Variants in PTPRD observed in about 807,000 individuals in gnomAD.
PTPRD encodes protein tyrosine phosphatase receptor type D, also known as receptor-type tyrosine-protein phosphatase delta.
A neutral mutation model predicts 214.5 loss-of-function variants in PTPRD; 34 were observed. The observed-to-expected ratio is 0.16, with a 90% CI of 0.12 to 0.21. The LOEUF (loss-of-function observed/expected upper bound fraction) is 0.21, where lower values mean the gene tolerates loss of function less well. Among genes scored for constraint, PTPRD ranks in the 10% least tolerant of loss-of-function variants. The pLI is 1.00. For synonymous variants in PTPRD, 1,128 were observed against 845.7 expected, an observed-to-expected ratio of 1.33 and a Z score of -5.79; for missense variants, 2,545 against 2,398.7, an observed-to-expected ratio of 1.06 and a Z score of -1.27.
intron 39 of PTPRD, among the ~76,000 whole-genome samples, chr9:8,358,535 G>A (rs749352838): frequency 1.2e-4 from 19 of 152,070 alleles, no homozygotes; most frequent in Non-Finnish European, 1.5e-4. Flanking sequence ...TTCTTCCAGA[G>A]CCTCTGTTTT....
chr9:8,500,558 G>GGAAAAAA (rs2097373754), intron 24 of PTPRD, among the ~76,000 whole-genome samples, 196 bp downstream of exon 24: 99 of 14,312 alleles, frequency 6.9e-3, no homozygotes, highest in Middle Eastern at 0.12. Context: ...TGAAAAAAAT[G>GGAAAAAA]AAAAAAAAAA....
At chr9:10,253,103 T>G (rs2092934830) in intron 3 of PTPRD, among the ~76,000 whole-genome samples, 1 of 152,168 alleles carries the variant, frequency 6.6e-6, no homozygotes, top group Non-Finnish European at 1.5e-5. Context: ...TTTTATTTTT[T>G]CTAAATGAAT....
At chr9:8,869,093 G>T (rs2154547283) in intron 11 of PTPRD, among the ~76,000 whole-genome samples, 1 of 152,140 alleles carries the variant, frequency 6.6e-6, no homozygotes, top group South Asian at 2.1e-4. Context: ...AGAAAGAATT[G>T]GAAAGATTAA....
At chr9:9,887,279 T>G (rs1202256820) in intron 5 of PTPRD, among the ~76,000 whole-genome samples, 1 of 152,126 alleles carries the variant, frequency 6.6e-6, no homozygotes, top group African/African-American at 2.4e-5. Flanking sequence ...TCCTTGACAT[T>G]GTTCACTGTA....
chr9:8,394,630 T>A (rs1023187138), intron 36 of PTPRD, among the ~76,000 whole-genome samples: 10 of 152,102 alleles, frequency 6.6e-5, no homozygotes, highest in Non-Finnish European at 1.5e-4. Context: ...CTCCAGTTCT[T>A]TTGAGTTCTA....
intron 8 of PTPRD, among the ~76,000 whole-genome samples, chr9:9,440,401 G>A (rs2087093214): frequency 6.6e-6 from 1 of 152,256 alleles, no homozygotes; most frequent in East Asian, 1.9e-4. Flanking sequence ...AAATGCAAAA[G>A]TGAAAAGGTA....
At chr9:9,286,114 C>T (rs1949272537) in intron 9 of PTPRD, among the ~76,000 whole-genome samples, 1 of 151,730 alleles carries the variant, frequency 6.6e-6, no homozygotes, top group African/African-American at 2.4e-5. Context: ...TTGTGACAAC[C>T]CGGATATTCT....
At chr9:8,977,488 C>G (rs139884416) in intron 11 of PTPRD, among the ~76,000 whole-genome samples, 1 of 152,048 alleles carries the variant, frequency 6.6e-6, no homozygotes, top group Non-Finnish European at 1.5e-5. Context: ...CATAAGGGCT[C>G]TATGTGCTGT....
At chr9:8,618,524 G>T (rs1467971239) in intron 14 of PTPRD, among the ~76,000 whole-genome samples, 2 of 151,974 alleles carry the variant, frequency 1.3e-5, no homozygotes, top group African/African-American at 4.8e-5. Context: ...TAGATTCTCA[G>T]ACCAATGGTA....
At chr9:9,393,159 G>A (rs1216657702) in intron 9 of PTPRD, among the ~76,000 whole-genome samples, 1 of 152,118 alleles carries the variant, frequency 6.6e-6, no homozygotes, top group Non-Finnish European at 1.5e-5. Flanking sequence ...ACAAGAACCT[G>A]GTTTTAGCTG....
Position 9,881,788 on chromosome 9 carries a change from G to C in PTPRD, c.-368+56719C>G, listed in dbSNP as rs577140080. The stretch of plus-strand genomic sequence containing the variant: ...AACCATATCATTTGCTTTAGCCAAT[G>C]GGATATCAGTAAAAATAAAAAGGAG... On this transcript the variant is annotated intron_variant, in intron 5 of 45. Transcript: ENST00000381196. Among the ~76,000 whole-genome samples, 3 of 152,206 alleles carry C rather than the reference G, an allele frequency of 2.0e-5. No individual in the cohort carries two copies. In the East Asian group the frequency reaches 5.8e-4, roughly 29 times the overall value.
At chr9:9,707,802 T>C (rs1669227610) in intron 7 of PTPRD, among the ~76,000 whole-genome samples, 1 of 152,118 alleles carries the variant, frequency 6.6e-6, no homozygotes, top group African/African-American at 2.4e-5. Context: ...CATTCTGCTA[T>C]ATAAAGGACT....
chr9:9,846,192 C>A (rs146687714), intron 5 of PTPRD, among the ~76,000 whole-genome samples: 149 of 152,218 alleles, frequency 9.8e-4, no homozygotes, highest in African/African-American at 3.4e-3. Context: ...TTGTATTGTT[C>A]TTACCCAAAT....
intron 44 of PTPRD, among the ~76,000 whole-genome samples, chr9:8,320,720 A>T (rs1407331317): frequency 2.0e-5 from 3 of 151,040 alleles, no homozygotes; most frequent in Admixed American, 6.6e-5. Context: ...ATCAGCAACT[A>T]AAACCACATT....
At chr9:8,795,493 A>G (rs2096386929) in intron 11 of PTPRD, among the ~76,000 whole-genome samples, 1 of 152,222 alleles carries the variant, frequency 6.6e-6, no homozygotes, top group Non-Finnish European at 1.5e-5. Flanking sequence ...TAGCCTACTT[A>G]GGAATTACAC....
intron 7 of PTPRD, among the ~76,000 whole-genome samples, chr9:9,601,316 T>C (rs145833787): frequency 5.9e-5 from 9 of 152,126 alleles, no homozygotes; most frequent in African/African-American, 1.9e-4. Flanking sequence ...AAGCTGAAAA[T>C]TGACACTGAT....
chr9:9,592,989 G>A (rs1487031209), intron 7 of PTPRD, among the ~76,000 whole-genome samples: 2 of 151,870 alleles, frequency 1.3e-5, no homozygotes, highest in Admixed American at 1.3e-4. Context: ...AGGCTGCAGT[G>A]AGCCAAGATT....
At chr9:9,847,402 G>A (rs577956782) in intron 5 of PTPRD, among the ~76,000 whole-genome samples, 2 of 152,092 alleles carry the variant, frequency 1.3e-5, no homozygotes, top group East Asian at 3.9e-4. Context: ...GATACTTCAG[G>A]AAATTTTATA....
intron 9 of PTPRD, among the ~76,000 whole-genome samples, chr9:9,197,910 T>C (rs1283677604): frequency 1.3e-5 from 2 of 152,224 alleles, no homozygotes; most frequent in Admixed American, 1.3e-4. Flanking sequence ...CTCACCACTC[T>C]ATCAGACATT....
Sources: gnomAD v4.1 joint callset for allele counts (sites outside exome capture counted in the v4.1 genomes callset) on GRCh38, gnomAD v4.1.1 for gene constraint, MANE v1.5 for transcripts, NCBI Gene and HGNC (gene_info 2026-07-23, HGNC 2026-07-21) for gene names.